The following PCDHA9 variants were observed in gnomAD, a reference collection of about 807,000 sequenced individuals.
PCDHA9 encodes the protein protocadherin alpha 9.
Under a neutral mutation model 62.0 loss-of-function variants are expected in PCDHA9, and 62 were observed. The observed-to-expected ratio is 1.00, with a 90% CI of 0.81 to 1.23. The LOEUF (loss-of-function observed/expected upper bound fraction) is 1.23. Ranked by LOEUF, PCDHA9 falls within the 50% of genes most tolerant of loss-of-function variation. The probability of loss-of-function intolerance (pLI) is 0.00; values close to 1 mark genes in which losing one functional copy is unlikely to be tolerated. For synonymous variants in PCDHA9, 557 were observed against 567.6 expected (o/e 0.98, Z 0.27); for missense variants, 1,205 against 1,249.8 (o/e 0.96, Z 0.54).
At position 140,997,696 on chromosome 5, in the gene PCDHA9, GTA is replaced by G. The variant is rs1328869274; in HGVS notation, c.2543-11929_2543-11928del. On this transcript the variant is annotated intron_variant, in intron 3 of 3. Transcript: ENST00000532602. ...TGTGTGTGTGTGTGTGTGTGTGTGT[GTA>G]TGTTAACAAACACCTTTCTACGTCA... Among the ~76,000 whole-genome samples, 208 of 148,602 alleles carry G rather than the reference GTA, an allele frequency of 1.4e-3. 1 individual carries two copies. Among genetic ancestry groups the G allele is most frequent in the African/African-American group, 4.8e-3 (197 of 40,710 alleles).
chr5:140,989,422 TG>T (rs1554250798), intron 3 of PCDHA9, among the ~76,000 whole-genome samples: 2 of 152,128 alleles, frequency 1.3e-5, no homozygotes, highest in African/African-American at 4.8e-5. Flanking sequence ...CTTCACTCTG[TG>T]GGAAAAATTG....
intron 1 of PCDHA9, among the ~76,000 whole-genome samples, chr5:140,934,050 C>T (rs558726288): frequency 6.6e-6 from 1 of 151,952 alleles, no homozygotes; most frequent in East Asian, 1.9e-4. Flanking sequence ...TTAGTCTTTC[C>T]AAGGCTAACT....
intron 1 of PCDHA9, among the ~76,000 whole-genome samples, chr5:140,944,130 G>C (rs141500614): frequency 3.9e-4 from 60 of 152,256 alleles, no homozygotes; most frequent in Non-Finnish European, 7.9e-4. Context: ...AGAAGAAAAG[G>C]TTGAAGATTA....
intron 1 of PCDHA9, among the ~76,000 whole-genome samples, chr5:140,917,131 G>C (rs572644426): frequency 6.6e-6 from 1 of 152,072 alleles, no homozygotes; most frequent in Non-Finnish European, 1.5e-5. Flanking sequence ...GACTCCCCAC[G>C]TTGCTCAGCT....
chr5:140,867,042 G>A (rs782113838), intron 1 of PCDHA9: 4 of 152,084 alleles, frequency 2.6e-5, no homozygotes, highest in Non-Finnish European at 4.4e-5. Flanking sequence ...ATGACTTGGC[G>A]TTTGTTCAGT....
intron 1 of PCDHA9, among the ~76,000 whole-genome samples, chr5:140,887,278 A>G (rs782205714): frequency 5.9e-5 from 9 of 151,950 alleles, no homozygotes; most frequent in Non-Finnish European, 8.8e-5. Flanking sequence ...TTGTATTTTT[A>G]GTAGAGATGG....
At chr5:140,878,556 A>G (rs959852623) in intron 1 of PCDHA9, among the ~76,000 whole-genome samples, 3 of 152,156 alleles carry the variant, frequency 2.0e-5, no homozygotes, top group East Asian at 3.8e-4. Context: ...GATGATCCCA[A>G]ACTTATCATA....
At chr5:140,971,435 T>A (rs1188604248) in intron 1 of PCDHA9, among the ~76,000 whole-genome samples, 1 of 152,190 alleles carries the variant, frequency 6.6e-6, no homozygotes, top group Non-Finnish European at 1.5e-5. Flanking sequence ...AACCCCAAGA[T>A]CTACAGCTCC....
At chr5:140,852,705 T>C in intron 1 of PCDHA9, 1 of 979,478 alleles carries the variant, frequency 1.0e-6, no homozygotes, top group Non-Finnish European at 1.2e-6. Context: ...TTCAAGTATC[T>C]TTGTCTTTGC....
intron 3 of PCDHA9, among the ~76,000 whole-genome samples, chr5:141,005,656 C>T (rs1004583867): frequency 1.5e-4 from 20 of 136,082 alleles, no homozygotes; most frequent in Non-Finnish European, 2.5e-4. Context: ...GAGTCGAGAT[C>T]GCGCCACTGC....
rs546684407 is a variant in PCDHA9 at position 140,870,806 on chromosome 5, A to G, written c.2394+19917A>G. 6.2e-6 allele frequency: 10 copies of G among 1,613,688 alleles called. No individual in the cohort carries two copies. In the Admixed American group the frequency reaches 1.7e-4, roughly 27 times the overall value. ...AACGCGCCGGCACTGCTGGCGACTC[A>G]GGCTGGCAGCGCGGGAGGCGCAGTT... is the stretch of plus-strand genomic sequence containing the variant. On this transcript the variant is annotated intron_variant, in intron 1 of 3. Transcript: ENST00000532602.
intron 1 of PCDHA9, among the ~76,000 whole-genome samples, chr5:140,888,308 G>A (rs1383199158): frequency 1.3e-5 from 2 of 152,106 alleles, no homozygotes; most frequent in Non-Finnish European, 2.9e-5. Flanking sequence ...AGATAATTTG[G>A]CAATGCCTGG....
At chr5:140,944,694 T>C (rs2093685448) in intron 1 of PCDHA9, among the ~76,000 whole-genome samples, 1 of 152,190 alleles carries the variant, frequency 6.6e-6, no homozygotes, top group African/African-American at 2.4e-5. Context: ...TTAATAACAG[T>C]AATTATCAGG....
intron 1 of PCDHA9, among the ~76,000 whole-genome samples, chr5:140,959,348 G>C (rs991931151): frequency 1.3e-5 from 2 of 152,110 alleles, no homozygotes; most frequent in Admixed American, 6.5e-5. Flanking sequence ...GCACTCCAGC[G>C]GGACAACTGA....
At chr5:140,865,760 G>A (rs1470653142) in intron 1 of PCDHA9, 1 of 152,154 alleles carries the variant, frequency 6.6e-6, no homozygotes, top group African/African-American at 2.4e-5. Flanking sequence ...AGTACATGGT[G>A]GAGATATTAT....
At chr5:140,871,289 G>A (rs955449203) in intron 1 of PCDHA9, 1 of 1,613,792 alleles carries the variant, frequency 6.2e-7, no homozygotes, top group African/African-American at 1.3e-5. Context: ...CCCACTGAGG[G>A]CGCGTGCGCG....
chr5:140,969,106 A>G, intron 1 of PCDHA9: 1 of 1,614,132 alleles, frequency 6.2e-7, no homozygotes, highest in Non-Finnish European at 8.5e-7. Flanking sequence ...ACTTCATTGA[A>G]GTTCGAGGGA....
At chr5:140,927,297 G>C in intron 1 of PCDHA9, 1 of 1,614,150 alleles carries the variant, frequency 6.2e-7, no homozygotes, top group Non-Finnish European at 8.5e-7. Context: ...ACATCCCCGA[G>C]TTCCTGACGC....
rs151249575 is a variant in PCDHA9, at chr5:140,920,220, T to TTATA, written c.2395-58728_2395-58725dup. 8.8e-3 allele frequency among the ~76,000 whole-genome samples: 1,344 copies of TTATA among 152,322 alleles called. 13 individuals carry two copies. The highest frequency in any genetic ancestry group is 0.031 in the African/African-American group (1,300 of 41,558). On this transcript the variant is annotated intron_variant, in intron 1 of 3. Coordinates refer to ENST00000532602, the MANE Select transcript of PCDHA9 (RefSeq NM_031857.2). ...GCAGCCACAGAAAACCAATGCACAT[T>TTATA]TATAGTATTATATACCCAACAATAC...
Sources: allele counts gnomAD v4.1 joint callset (sites outside exome capture counted in the v4.1 genomes callset), GRCh38; gene constraint gnomAD v4.1.1; transcripts MANE v1.5; gene names NCBI Gene and HGNC (gene_info 2026-07-23, HGNC 2026-07-21).